SPTSSB: variants seen among roughly 807,000 people sequenced by gnomAD.
The protein encoded by SPTSSB is androgen down regulated in mouse prostate.
A neutral mutation model predicts 7.7 loss-of-function variants in SPTSSB; 6 were observed. That is an observed-to-expected ratio of 0.78 (90% confidence interval 0.43 to 1.54). SPTSSB has a LOEUF of 1.54. Ranked by LOEUF, SPTSSB falls within the 40% of genes most tolerant of loss-of-function variation. The pLI, the probability that SPTSSB is intolerant of heterozygous loss-of-function variation, is 0.01. For missense variants in SPTSSB, 91 were observed against 93.0 expected (o/e 0.98, Z 0.09); for synonymous variants, 28 against 29.7 (o/e 0.94, Z 0.19).
intron 2 of SPTSSB, among the ~76,000 whole-genome samples, chr3:161,353,714 G>T (rs1040874855): frequency 1.3e-5 from 2 of 151,998 alleles, no homozygotes; most frequent in Admixed American, 1.3e-4. Flanking sequence ...CTGATTAATG[G>T]GGCAAAACCT....
At position 161,371,418 on chromosome 3, in the gene SPTSSB, T is replaced by G. The variant is rs1378988521; in HGVS notation, c.-126+17A>C. ...AGCTACTTAACAGTTCAAGTAGGTATTTTGGAAGATGCTTACCTCCCAGTT... is the reference window on the plus strand; with the variant it reads ...AGCTACTTAACAGTTCAAGTAGGTAGTTTGGAAGATGCTTACCTCCCAGTT... On this transcript the variant is annotated intron_variant, in intron 1 of 2. Coordinates refer to ENST00000620149, the MANE Select transcript of SPTSSB (RefSeq NM_001040100.2). 1 of 985,268 alleles carries G rather than the reference T, an allele frequency of 1.0e-6. No individual in the cohort carries two copies. Among genetic ancestry groups the G allele is most frequent in the East Asian group, 1.1e-4 (1 of 8,814 alleles). 61.0% of individuals were successfully genotyped at this position (985,268 alleles called of 1,614,324 possible). A position where few individuals can be genotyped will look rare whatever the true frequency, so the allele number is the denominator to read the frequency against.
chr3:161,352,321 G>T (rs1208582646), intron 2 of SPTSSB, among the ~76,000 whole-genome samples: 1 of 151,866 alleles, frequency 6.6e-6, no homozygotes, highest in African/African-American at 2.4e-5. Context: ...AAATTTTCTT[G>T]TGCCCCTTCT....
intron 2 of SPTSSB, 66 bp from the exon 3 acceptor site, chr3:161,346,421 A>G: frequency 1.3e-6 from 1 of 748,990 alleles, no homozygotes; most frequent in South Asian, 1.8e-5. Context: ...AAATTTCATG[A>G]TCTCAGCATG....
intron 2 of SPTSSB, among the ~76,000 whole-genome samples, chr3:161,352,181 A>G (rs1714572713): frequency 6.6e-6 from 1 of 152,202 alleles, no homozygotes; most frequent in African/African-American, 2.4e-5. Flanking sequence ...TTCCTATGAA[A>G]TAAAACCTTC....
At chr3:161,357,933 G>A (rs897214122) in intron 2 of SPTSSB, among the ~76,000 whole-genome samples, 10 of 152,030 alleles carry the variant, frequency 6.6e-5, no homozygotes, top group African/African-American at 1.9e-4. Flanking sequence ...GTTTTAAGCC[G>A]CTAAATCTGT....
chr3:161,365,735 C>T (rs1715190219), intron 1 of SPTSSB, among the ~76,000 whole-genome samples: 2 of 152,194 alleles, frequency 1.3e-5, no homozygotes, highest in Non-Finnish European at 2.9e-5. Context: ...AAACACTTTT[C>T]CTCTAAGCCT....
intron 2 of SPTSSB, among the ~76,000 whole-genome samples, chr3:161,354,927 T>C (rs1376857911): frequency 6.6e-6 from 1 of 152,200 alleles, no homozygotes; most frequent in East Asian, 1.9e-4. Flanking sequence ...ATTAGATTAA[T>C]CTCAGTATTG....
rs538349689 is a variant in SPTSSB, at chr3:161,359,054, T to C, written c.-33+748A>G. ...CTTGGCTGATAGGTCACTTTTACTA[T>C]AGGTCACTCACTATAGATTGAATAA... On this transcript the variant is annotated intron_variant, in intron 2 of 2. Transcript: ENST00000620149. Among the ~76,000 whole-genome samples the C allele has an allele frequency of 1.1e-4, 17 of 152,304 alleles. No homozygotes were observed. The East Asian group carries it at 3.1e-3, about 28-fold the overall frequency.
chr3:161,369,384 CCTTT>C (rs1560109153), intron 1 of SPTSSB, among the ~76,000 whole-genome samples: 2 of 38,624 alleles, frequency 5.2e-5, no homozygotes, highest in African/African-American at 2.6e-4. Context: ...CTCTTTCTTT[CCTTT>C]TTTTTTTTTT....
intron 1 of SPTSSB, among the ~76,000 whole-genome samples, chr3:161,360,878 A>T (rs1714982706): frequency 6.6e-6 from 1 of 152,200 alleles, no homozygotes; most frequent in African/African-American, 2.4e-5. Flanking sequence ...CTTCAAGTTC[A>T]TTTTAAACCA....
chr3:161,369,888 A>G (rs1045102565), intron 1 of SPTSSB, among the ~76,000 whole-genome samples: 2 of 152,236 alleles, frequency 1.3e-5, no homozygotes, highest in Non-Finnish European at 2.9e-5. Flanking sequence ...TCTTACTGAA[A>G]TATAAGAGAT....
intron 2 of SPTSSB, among the ~76,000 whole-genome samples, chr3:161,357,576 C>G (rs945594753): frequency 8.5e-5 from 13 of 152,192 alleles, no homozygotes; most frequent in African/African-American, 3.1e-4. Flanking sequence ...ATTAGCCGCC[C>G]AAAACCTATG....
In SPTSSB at chr3:161,345,763, G is replaced by T. The variant is rs1714192266; in HGVS notation, c.*330C>A. ...GAGCACTTTAAGCATGATTCTGGTA[G>T]GTCTGTTAGGAGTCTATTTTCCAGA... On this transcript the variant is annotated 3_prime_UTR_variant, in exon 3 of 3. Transcript: ENST00000620149. 1 of 219,990 alleles carries T rather than the reference G, an allele frequency of 4.5e-6. No individual in the cohort carries two copies. Among genetic ancestry groups the T allele is most frequent in the African/African-American group, 2.3e-5 (1 of 43,108 alleles). The allele number at this position is 219,990 out of a possible 1,614,324, so 13.6% of individuals were successfully genotyped here.
intron 2 of SPTSSB, among the ~76,000 whole-genome samples, chr3:161,349,221 A>G (rs559001540): frequency 6.6e-6 from 1 of 152,274 alleles, no homozygotes; most frequent in Non-Finnish European, 1.5e-5. Flanking sequence ...CATATAACAA[A>G]CATGCAGTGA....
chr3:161,354,612 A>G (rs927109174), intron 2 of SPTSSB, among the ~76,000 whole-genome samples: 3 of 152,200 alleles, frequency 2.0e-5, no homozygotes, highest in Admixed American at 6.5e-5. Flanking sequence ...TCCCATAGTG[A>G]TGGGATTACA....
intron 1 of SPTSSB, among the ~76,000 whole-genome samples, chr3:161,366,656 T>C (rs1715231728): frequency 6.6e-6 from 1 of 152,174 alleles, no homozygotes; most frequent in East Asian, 1.9e-4. Flanking sequence ...CTTATCTACA[T>C]TATGTAATTT....
chr3:161,363,524 C>T (rs192250157), intron 1 of SPTSSB, among the ~76,000 whole-genome samples: 62 of 151,942 alleles, frequency 4.1e-4, no homozygotes, highest in Non-Finnish European at 6.6e-4. Flanking sequence ...CTGTTGAAAC[C>T]ATACCTGCTC....
At position 161,365,081 on chromosome 3, in the gene SPTSSB, A is replaced by T. The variant is rs142668708; in HGVS notation, c.-125-5187T>A. Among the ~76,000 whole-genome samples, 8 of 152,338 alleles carry T rather than the reference A, an allele frequency of 5.3e-5. No homozygotes were observed. The East Asian group carries it at 1.3e-3, about 26-fold the overall frequency. The stretch of plus-strand genomic sequence containing the variant: ...ACTTAAATGGCAAATTGTCACCTGG[A>T]AGCTGCCATTTTATACTGATAATAG... On this transcript the variant is annotated intron_variant, in intron 1 of 2. Coordinates refer to ENST00000620149, the MANE Select transcript of SPTSSB (RefSeq NM_001040100.2).
At chr3:161,365,479 G>T (rs1302334337) in intron 1 of SPTSSB, among the ~76,000 whole-genome samples, 1 of 152,202 alleles carries the variant, frequency 6.6e-6, no homozygotes, top group African/African-American at 2.4e-5. Context: ...AAATCAGAAA[G>T]TTGTTGTCCT....
Sources: allele counts gnomAD v4.1 joint callset (sites outside exome capture counted in the v4.1 genomes callset), GRCh38; gene constraint gnomAD v4.1.1; transcripts MANE v1.5; gene names NCBI Gene and HGNC (gene_info 2026-07-23, HGNC 2026-07-21).